Variants in TNS1 observed in about 807,000 individuals in gnomAD.
TNS1 encodes tensin-1.
In TNS1, 62 loss-of-function variants were observed where a neutral mutation model predicts 168.6. That is an observed-to-expected ratio of 0.37 (90% CI 0.30 to 0.45). TNS1 has a LOEUF of 0.45. Among genes scored for constraint, TNS1 ranks in the 20% least tolerant of loss-of-function variants. TNS1 has a pLI of 1.00. For missense variants in TNS1, 2,240 were observed against 2,339.4 expected (o/e 0.96, Z 0.88); for synonymous variants, 934 against 933.2 (o/e 1.00, Z -0.02).
chr2:217,913,393 C>G (rs1251405934), intron 4 of TNS1, among the ~76,000 whole-genome samples: 2 of 152,198 alleles, frequency 1.3e-5, no homozygotes, highest in Non-Finnish European at 2.9e-5. Flanking sequence ...ACCCCCAATG[C>G]AGCCGGCTTG....
At chr2:217,884,914 T>C in intron 16 of TNS1, 121 bp downstream of exon 16, 5 of 1,297,840 alleles carry the variant, frequency 3.9e-6, no homozygotes, top group South Asian at 1.5e-5. Flanking sequence ...ACCATCACCC[T>C]GAGACTAGAC....
At position 217,846,413 on chromosome 2, in the gene TNS1, C is replaced by T. The variant is rs1946651646; in HGVS notation, c.3007+1097G>A. Among the ~76,000 whole-genome samples, 3 of 152,246 alleles carry T rather than the reference C, an allele frequency of 2.0e-5. No individual in the cohort carries two copies. The South Asian group carries it at 6.2e-4, about 32-fold the overall frequency. Reference sequence around the variant, plus strand: ...CGGTCCATCTCCAGGGAGGGTGTTTCCTTCCCTCCCTGCAGCTGGCATGGT... The same window carrying T: ...CGGTCCATCTCCAGGGAGGGTGTTTTCTTCCCTCCCTGCAGCTGGCATGGT... On this transcript the variant is annotated intron_variant, in intron 19 of 32. Coordinates refer to ENST00000682258, the MANE Select transcript of TNS1 (RefSeq NM_001387777.1).
At position 217,904,886 on chromosome 2, in the gene TNS1, C is replaced by A. The variant is rs189434186; in HGVS notation, c.321+1449G>T. On this transcript the variant is annotated intron_variant, in intron 6 of 32. Coordinates refer to ENST00000682258, the MANE Select transcript of TNS1 (RefSeq NM_001387777.1). Reference sequence around the variant, plus strand: ...TTGCCTAGAAGGCTTGGTTCACACACCATCACCCTGTCCCCTTGCCAAAGG... The same window carrying A: ...TTGCCTAGAAGGCTTGGTTCACACAACATCACCCTGTCCCCTTGCCAAAGG... Among the ~76,000 whole-genome samples the A allele has an allele frequency of 3.3e-3, 495 of 152,270 alleles. 1 individual carries two copies. Among genetic ancestry groups the A allele is most frequent in the African/African-American group, 0.011 (473 of 41,540 alleles).
rs190981976 is a variant in TNS1 at position 217,870,240 on chromosome 2, G to A, written c.1429+10658C>T. Among the ~76,000 whole-genome samples, 412 of 152,326 alleles carry A rather than the reference G, an allele frequency of 2.7e-3. 2 individuals carry two copies. Among genetic ancestry groups the A allele is most frequent in the African/African-American group, 9.3e-3 (387 of 41,574 alleles). ...TTACCCACGGGCTGCAGGGCAGAGT[G>A]GATACAGCACTGGGCTGACACCCCT... On this transcript the variant is annotated intron_variant, in intron 18 of 32. Coordinates refer to ENST00000682258, the MANE Select transcript of TNS1 (RefSeq NM_001387777.1).
chr2:217,961,232 C>T (rs1340478740), intron 3 of TNS1, among the ~76,000 whole-genome samples: 1 of 128,926 alleles, frequency 7.8e-6, no homozygotes, highest in Non-Finnish European at 1.6e-5. Context: ...CTCTCTCTCT[C>T]TCTCACACAC....
At chr2:217,968,612 G>A (rs1575146083) in intron 3 of TNS1, among the ~76,000 whole-genome samples, 1 of 152,214 alleles carries the variant, frequency 6.6e-6, no homozygotes, top group East Asian at 1.9e-4. Flanking sequence ...ACAAAATATT[G>A]TTGAAATAAA....
intron 18 of TNS1, among the ~76,000 whole-genome samples, chr2:217,870,792 G>C (rs139303596): frequency 9.8e-5 from 15 of 152,352 alleles, no homozygotes; most frequent in Non-Finnish European, 1.9e-4. Context: ...AAGCATGCCA[G>C]CTGCCTCGCA....
At chr2:217,919,617 GGGCC>G (rs1346321400) in intron 4 of TNS1, among the ~76,000 whole-genome samples, 3 of 152,252 alleles carry the variant, frequency 2.0e-5, no homozygotes, top group Admixed American at 1.3e-4. Context: ...GGGTGGAGCA[GGGCC>G]CTCTCTACAG....
chr2:217,809,390 TG>T, intron 30 of TNS1, among the ~76,000 whole-genome samples: 1 of 129,678 alleles, frequency 7.7e-6, no homozygotes, highest in Non-Finnish European at 1.7e-5. Context: ...GATGGATGGA[TG>T]GATGGATGGA....
intron 2 of TNS1, among the ~76,000 whole-genome samples, chr2:217,979,265 A>C (rs1053522292): frequency 6.6e-6 from 1 of 151,986 alleles, no homozygotes; most frequent in Admixed American, 6.6e-5. Context: ...CACAATTCAG[A>C]GTCCAGGAGC....
chr2:218,029,119 G>T (rs1252555722), intron 1 of TNS1, among the ~76,000 whole-genome samples: 6 of 152,366 alleles, frequency 3.9e-5, no homozygotes, highest in African/African-American at 1.4e-4. Context: ...CCTGCCCCCA[G>T]AGAGTGAGTA....
At chr2:217,923,769 G>T (rs139496921) in intron 3 of TNS1, among the ~76,000 whole-genome samples, 1,834 of 152,298 alleles carry the variant, frequency 0.012, 46 homozygotes, top group African/African-American at 0.041. Flanking sequence ...GCACAGAAAG[G>T]TTAACAATTT....
Position 217,848,104 on chromosome 2 carries a change from G to C in TNS1, c.2413C>G (p.Pro805Ala). ...AHLESLVASR[P>A]SPQPLAETPI... ...GTCTCTGCCAATGGCTGAGGGCTGG[G>C]CCTGCTGGCTACAAGACTCTCCAAG... Residue 805 changes from proline to alanine, a missense_variant, in exon 19 of 33, where the codon CCC (proline) becomes GCC (alanine). Pro to Ala is a conservative substitution (Grantham distance 27, BLOSUM62 -1). Coordinates refer to ENST00000682258, the MANE Select transcript of TNS1 (RefSeq NM_001387777.1). The C allele has an allele frequency of 6.4e-7, 1 of 1,570,332 alleles. No homozygotes were observed. Among genetic ancestry groups the C allele is most frequent in the Non-Finnish European group, 8.6e-7 (1 of 1,158,926 alleles).
chr2:217,823,165 C>G (rs998856065), intron 22 of TNS1, among the ~76,000 whole-genome samples: 1 of 152,204 alleles, frequency 6.6e-6, no homozygotes, highest in African/African-American at 2.4e-5. Context: ...ATCCCCTAAC[C>G]AGGGCCAGTA....
intron 1 of TNS1, among the ~76,000 whole-genome samples, chr2:218,022,250 C>T (rs528443281): frequency 4.6e-5 from 7 of 152,058 alleles, no homozygotes; most frequent in East Asian, 3.9e-4. Flanking sequence ...GTGGAGGTAA[C>T]GATGGTGACA....
chr2:218,024,019 C>T (rs1433420812), intron 1 of TNS1, among the ~76,000 whole-genome samples: 1 of 152,136 alleles, frequency 6.6e-6, no homozygotes, highest in Non-Finnish European at 1.5e-5. Context: ...CCACTGTGTC[C>T]CAGAGCTTGG....
intron 4 of TNS1, among the ~76,000 whole-genome samples, chr2:217,916,449 G>A (rs546322494): frequency 1.3e-5 from 2 of 152,280 alleles, no homozygotes; most frequent in South Asian, 2.1e-4. Context: ...GACATCCGCC[G>A]ACCTTGGTGG....
chr2:217,996,492 C>G (rs571113732), intron 1 of TNS1, among the ~76,000 whole-genome samples: 1 of 152,094 alleles, frequency 6.6e-6, no homozygotes. Flanking sequence ...CACCTTTACA[C>G]ACACAAATCC....
intron 30 of TNS1, among the ~76,000 whole-genome samples, chr2:217,809,556 G>C (rs866029849): frequency 3.0e-5 from 2 of 66,996 alleles, no homozygotes; most frequent in South Asian, 4.0e-4. Context: ...TGGATGGATG[G>C]ATGGATGGAT....
Sources: allele counts gnomAD v4.1 joint callset (sites outside exome capture counted in the v4.1 genomes callset), GRCh38; gene constraint gnomAD v4.1.1; transcripts MANE v1.5; gene names NCBI Gene and HGNC (gene_info 2026-07-23, HGNC 2026-07-21).